Variants in C12orf42 observed in about 807,000 individuals in gnomAD.
The protein encoded by C12orf42 is uncharacterized protein C12orf42.
Under a neutral mutation model 21.6 loss-of-function variants are expected in C12orf42, and 25 were observed. The ratio of observed to expected loss-of-function variants is 1.16; its 90% confidence interval spans 0.84 to 1.62. The LOEUF (loss-of-function observed/expected upper bound fraction) is 1.62. Ranked by LOEUF, C12orf42 falls within the 40% of genes most tolerant of loss-of-function variation. The probability of loss-of-function intolerance (pLI) is 0.00; values close to 1 mark genes in which losing one functional copy is unlikely to be tolerated. For synonymous variants in C12orf42, 174 were observed against 175.0 expected (o/e 0.99, Z 0.05); for missense variants, 483 against 459.3 (o/e 1.05, Z -0.47).
chr12:103,094,151 T>C, the C12orf42 span, among the ~76,000 whole-genome samples: 1 of 152,214 alleles, frequency 6.6e-6, no homozygotes, highest in Non-Finnish European at 1.5e-5. Flanking sequence ...TATCAGGTTT[T>C]TATGACCATC....
intron 4 of C12orf42, among the ~76,000 whole-genome samples, chr12:103,286,291 A>C (rs1042889359): frequency 3.3e-5 from 5 of 150,992 alleles, no homozygotes; most frequent in African/African-American, 1.2e-4. Flanking sequence ...TAAATAAATA[A>C]ATAAAGTAAA....
At chr12:103,403,065 A>T (rs1001111953) in intron 2 of C12orf42, among the ~76,000 whole-genome samples, 2 of 152,116 alleles carry the variant, frequency 1.3e-5, no homozygotes, top group East Asian at 3.9e-4. Context: ...CATGGTAAGC[A>T]TCCAATCAAT....
intron 3 of C12orf42, among the ~76,000 whole-genome samples, chr12:103,376,399 C>A (rs1214639063): frequency 2.6e-5 from 4 of 151,986 alleles, no homozygotes; most frequent in African/African-American, 4.8e-5. Flanking sequence ...CACACCAGGG[C>A]CTGTCGAGGG....
chr12:103,463,230 A>C (rs889892609), intron 2 of C12orf42, among the ~76,000 whole-genome samples: 4 of 152,184 alleles, frequency 2.6e-5, no homozygotes, highest in Admixed American at 2.6e-4. Flanking sequence ...TCTATCTCAC[A>C]ATCTGAACCC....
At chr12:103,371,626 G>C (rs2045246055) in intron 3 of C12orf42, among the ~76,000 whole-genome samples, 1 of 152,144 alleles carries the variant, frequency 6.6e-6, no homozygotes, top group Non-Finnish European at 1.5e-5. Flanking sequence ...GCGATTCCAA[G>C]AGAGGGCTTG....
the C12orf42 span, among the ~76,000 whole-genome samples, chr12:103,087,778 T>G: frequency 6.6e-6 from 1 of 152,246 alleles, no homozygotes; most frequent in Admixed American, 6.5e-5. Flanking sequence ...TAGGTGTGAC[T>G]GTTTCAGTTG....
chr12:103,066,262 G>A, the C12orf42 span, among the ~76,000 whole-genome samples: 1 of 152,146 alleles, frequency 6.6e-6, no homozygotes, highest in Non-Finnish European at 1.5e-5. Flanking sequence ...CATAAAGTGG[G>A]TTGTGCACAG....
At chr12:103,204,157 G>A in the C12orf42 span, among the ~76,000 whole-genome samples, 7 of 152,104 alleles carry the variant, frequency 4.6e-5, no homozygotes, top group African/African-American at 1.7e-4. Flanking sequence ...TTTGAAATAC[G>A]TCAGGGTCAA....
the C12orf42 span, among the ~76,000 whole-genome samples, chr12:103,192,160 G>A: frequency 1.3e-5 from 2 of 152,126 alleles, no homozygotes; most frequent in African/African-American, 4.8e-5. Flanking sequence ...TAACAGACTA[G>A]TAGATTGGAT....
At chr12:103,232,458 C>T in the C12orf42 span, among the ~76,000 whole-genome samples, 48 of 145,828 alleles carry the variant, frequency 3.3e-4, no homozygotes, top group African/African-American at 1.0e-3. Context: ...CCTGTAATCC[C>T]AGCACTTTGG....
chr12:103,479,222 A>T (rs1471836296), intron 1 of C12orf42, among the ~76,000 whole-genome samples: 1 of 152,154 alleles, frequency 6.6e-6, no homozygotes, highest in Non-Finnish European at 1.5e-5. Context: ...CCTAATCTCT[A>T]AGTCTCCAAT....
chr12:103,287,703 A>C (rs1485484609), intron 4 of C12orf42, among the ~76,000 whole-genome samples: 1 of 151,166 alleles, frequency 6.6e-6, no homozygotes, highest in Non-Finnish European at 1.5e-5. Flanking sequence ...CTTAAAGTAT[A>C]ATAATAAAAA....
At chr12:103,522,254 GGTAAGGCATCGGTT>G in the C12orf42 span, among the ~76,000 whole-genome samples, 1 of 152,128 alleles carries the variant, frequency 6.6e-6, no homozygotes, top group Non-Finnish European at 1.5e-5. Context: ...CCTGCCACCA[GGTAAGGCATCGGTT>G]GTTCTTCCTT....
chr12:103,393,086 A>G (rs1013684953), intron 3 of C12orf42, among the ~76,000 whole-genome samples: 5 of 152,024 alleles, frequency 3.3e-5, no homozygotes, highest in African/African-American at 1.2e-4. Context: ...TTTTTTGGTC[A>G]GTCAACCAGA....
the C12orf42 span, among the ~76,000 whole-genome samples, chr12:103,112,900 G>T: frequency 6.6e-6 from 1 of 152,160 alleles, no homozygotes; most frequent in Non-Finnish European, 1.5e-5. Flanking sequence ...TGCTGTACCT[G>T]CTGGCCTACT....
At chr12:103,329,655 T>A (rs1262678139) in intron 4 of C12orf42, among the ~76,000 whole-genome samples, 1 of 148,198 alleles carries the variant, frequency 6.7e-6, no homozygotes, top group African/African-American at 2.5e-5. Flanking sequence ...AACTAAATGA[T>A]GCCACTGCTC....
chr12:103,381,345 G>A (rs1055924835), intron 3 of C12orf42, among the ~76,000 whole-genome samples: 11 of 152,198 alleles, frequency 7.2e-5, no homozygotes, highest in African/African-American at 2.7e-4. Context: ...GTCAAAGGAT[G>A]CAAGCACAGG....
chr12:103,452,677 C>A (rs1415832481), intron 2 of C12orf42, among the ~76,000 whole-genome samples: 15 of 152,042 alleles, frequency 9.9e-5, no homozygotes, highest in Non-Finnish European at 4.4e-5. Flanking sequence ...ACATATATAC[C>A]ATGGAATACT....
chr12:103,146,947 T>C, the C12orf42 span, among the ~76,000 whole-genome samples: 1 of 152,146 alleles, frequency 6.6e-6, no homozygotes, highest in Non-Finnish European at 1.5e-5. Context: ...GTACCAAGAA[T>C]GCTTCAGCCT....
Sources: gnomAD v4.1 joint callset for allele counts (sites outside exome capture counted in the v4.1 genomes callset) on GRCh38, gnomAD v4.1.1 for gene constraint, MANE v1.5 for transcripts, NCBI Gene and HGNC (gene_info 2026-07-23, HGNC 2026-07-21) for gene names.